The following SLC3A1 variants were observed in gnomAD, a reference collection of about 807,000 sequenced individuals.
SLC3A1 encodes amino acid transporter heavy chain SLC3A1.
SLC3A1 carries 78 observed loss-of-function variants against 60.3 expected under a neutral mutation model. The ratio of observed to expected loss-of-function variants is 1.29; its 90% CI spans 1.08 to 1.56. SLC3A1 has a LOEUF of 1.56. Ranked by LOEUF, SLC3A1 falls within the 40% of genes most tolerant of loss-of-function variation. SLC3A1 has a pLI of 0.00. For missense variants in SLC3A1, 1,172 were observed against 858.9 expected (o/e 1.36, Z -4.56); for synonymous variants, 392 against 307.9 (o/e 1.27, Z -2.86).
At chr2:44,320,008 C>G in intron 9 of SLC3A1, 191 bp from the exon 10 acceptor site, 1 of 590,046 alleles carries the variant, frequency 1.7e-6, no homozygotes, top group East Asian at 2.9e-5. Context: ...GCCGAAACCC[C>G]GAATTTGTCA....
At chr2:44,283,546 G>A (rs1671546934) in intron 3 of SLC3A1, among the ~76,000 whole-genome samples, 1 of 152,138 alleles carries the variant, frequency 6.6e-6, no homozygotes, top group Non-Finnish European at 1.5e-5. Context: ...GGCTAAAGAT[G>A]GGATCTAGTC....
rs139251285 is a variant in SLC3A1, at chr2:44,312,619, C to T, written c.1366C>T (p.Arg456Cys). The T allele has an allele frequency of 1.1e-5, 18 of 1,613,904 alleles. No individual in the cohort carries two copies. The highest frequency in any genetic ancestry group is 2.2e-5 in the East Asian group (1 of 44,870). ...ACCAGACAGTTCACGGCTGACTTCG[C>T]GTTTGGGGAATCAGTATGTCAACGT... ...GGPDSSRLTS[R>C]LGNQYVNVMN... Residue 456 changes from arginine (R) to cysteine (C), a missense_variant, in exon 8 of 10, where the codon CGT becomes TGT. Physicochemically the swap from Arg to Cys is radical, Grantham distance 180. Transcript: ENST00000260649.
At position 44,321,419 on chromosome 2, in the gene SLC3A1, G is replaced by A. The variant is rs375511535; in HGVS notation, c.*780G>A. On this transcript the variant is annotated 3_prime_UTR_variant, in exon 10 of 10. Coordinates refer to ENST00000260649, the MANE Select transcript of SLC3A1 (RefSeq NM_000341.4). ...TGGTGCTGTCAAGTCCAAGTTCCTC[G>A]TACAGGAATTTAATTTGGGCTGTAA... The A allele has an allele frequency of 3.0e-5, 48 of 1,612,440 alleles. 1 individual carries two copies. Among genetic ancestry groups the A allele is most frequent in the South Asian group, 1.5e-4 (14 of 91,000 alleles).
At position 44,304,142 on chromosome 2, in the gene SLC3A1, G is replaced by C. The variant is rs1423274006; in HGVS notation, c.1137-1G>C. 1.2e-6 allele frequency: 2 copies of C among 1,613,682 alleles called. No homozygotes were observed. Among genetic ancestry groups the C allele is most frequent in the Non-Finnish European group, 1.7e-6 (2 of 1,179,594 alleles). ...ACACTGAACCTTGTCAACTCTTATA[G>C]GTTCATGGGGACTGAAGCCTATGCA... On this transcript the variant is annotated splice_acceptor_variant, in intron 6 of 9. Coordinates refer to ENST00000260649, the MANE Select transcript of SLC3A1 (RefSeq NM_000341.4). LOFTEE classifies it high-confidence loss of function.
chr2:44,321,711 T>C (rs779536827), downstream of SLC3A1: 18 of 1,590,632 alleles, frequency 1.1e-5, no homozygotes, highest in South Asian at 9.1e-5. Flanking sequence ...GTCTCACCCA[T>C]AGATAGGACA....
chr2:44,278,308 C>A (rs951614933), intron 1 of SLC3A1, among the ~76,000 whole-genome samples: 16 of 151,880 alleles, frequency 1.1e-4, no homozygotes, highest in African/African-American at 3.6e-4. Flanking sequence ...ATCAGCTGGG[C>A]GTGGTGGCGG....
At chr2:44,277,431 A>G (rs945541586) in intron 1 of SLC3A1, among the ~76,000 whole-genome samples, 1 of 152,112 alleles carries the variant, frequency 6.6e-6, no homozygotes, top group Non-Finnish European at 1.5e-5. Context: ...TTTAAAAATC[A>G]TCCTGCATTG....
At chr2:44,318,991 A>G (rs1323909113) in intron 9 of SLC3A1, 2 of 152,248 alleles carry the variant, frequency 1.3e-5, no homozygotes, top group Admixed American at 1.3e-4. Flanking sequence ...GTAGACAATA[A>G]TAGCTAACAC....
chr2:44,301,942 C>G (rs985523213), intron 6 of SLC3A1, among the ~76,000 whole-genome samples: 1 of 152,024 alleles, frequency 6.6e-6, no homozygotes, highest in Non-Finnish European at 1.5e-5. Context: ...GTAATACCAG[C>G]TACTCGGGAG....
chr2:44,301,007 C>A lies in SLC3A1; in HGVS notation c.1016C>A (p.Thr339Lys). Residue 339 changes from threonine to lysine, a missense_variant, in exon 6 of 10, where the codon ACG becomes AAG. Coordinates refer to ENST00000260649, the MANE Select transcript of SLC3A1 (RefSeq NM_000341.4). Reference sequence around the variant, plus strand: ...ATGTCGTCCTGGTTTTCAAAGGACACGGTCACACAATACTCGGAGCTGTAC... The same window carrying A: ...ATGTCGTCCTGGTTTTCAAAGGACAAGGTCACACAATACTCGGAGCTGTAC... Reference protein sequence around the residue: ...IQVNKTQIPDTVTQYSELYHD... With the variant: ...IQVNKTQIPDKVTQYSELYHD... 6.2e-7 allele frequency: 1 copy of A among 1,613,982 alleles called. No homozygotes were observed. Among genetic ancestry groups the A allele is most frequent in the Admixed American group, 1.7e-5 (1 of 60,024 alleles).
At chr2:44,312,929 GCTTAT>G (rs751703211) in intron 8 of SLC3A1, 176 bp downstream of exon 8, 2 of 596,070 alleles carry the variant, frequency 3.4e-6, no homozygotes, top group Non-Finnish European at 5.8e-6. Context: ...TGGTCTGAGA[GCTTAT>G]TTTAAAAATG....
rs770801300 is a variant in SLC3A1, at chr2:44,320,391, C to T, written c.1810C>T (p.Leu604=). 2.3e-5 allele frequency: 37 copies of T among 1,613,834 alleles called. 2 individuals carry two copies. The South Asian group carries it at 3.2e-4, about 14-fold the overall frequency. Residue 604 remains leucine, a synonymous_variant, in exon 10 of 10, where the codon CTG becomes TTG. Coordinates refer to ENST00000260649, the MANE Select transcript of SLC3A1 (RefSeq NM_000341.4). ...IVVLNFGEST[L]LNLHNMISGL... The stretch of plus-strand genomic sequence containing the variant: ...GGTTCTGAATTTTGGAGAATCAACA[C>T]TGTTAAATCTACATAATATGATTTC...
In SLC3A1 at chr2:44,320,380, G is replaced by T; in HGVS notation, c.1799G>T (p.Gly600Val). The T allele has an allele frequency of 1.2e-6, 2 of 1,614,018 alleles. No individual in the cohort carries two copies. The highest frequency in any genetic ancestry group is 1.7e-6 in the Non-Finnish European group (2 of 1,179,928). Residue 600 changes from glycine to valine, a missense_variant, in exon 10 of 10, where the codon GGA becomes GTA. Transcript: ENST00000260649. ...DRIFIVVLNF[G>V]ESTLLNLHNM... Reference sequence around the variant, plus strand: ...ATCTTTATCGTGGTTCTGAATTTTGGAGAATCAACACTGTTAAATCTACAT... The same window carrying T: ...ATCTTTATCGTGGTTCTGAATTTTGTAGAATCAACACTGTTAAATCTACAT...
At chr2:44,280,248 T>C (rs1671463333) in intron 1 of SLC3A1, among the ~76,000 whole-genome samples, 1 of 151,126 alleles carries the variant, frequency 6.6e-6, no homozygotes, top group Non-Finnish European at 1.5e-5. Context: ...TTCTCTTTCT[T>C]TTTTTTTTGA....
intron 7 of SLC3A1, among the ~76,000 whole-genome samples, chr2:44,306,489 A>G (rs1213217457): frequency 6.6e-6 from 1 of 151,836 alleles, no homozygotes; most frequent in African/African-American, 2.4e-5. Flanking sequence ...AAATGTAAGT[A>G]TTAAAACTAT....
intron 1 of SLC3A1, among the ~76,000 whole-genome samples, chr2:44,279,124 G>C (rs1368973367): frequency 6.6e-6 from 1 of 151,414 alleles, no homozygotes; most frequent in African/African-American, 2.4e-5. Flanking sequence ...TCAGCCTCCC[G>C]AGTAGCTGGG....
At position 44,280,427 on chromosome 2, in the gene SLC3A1, C is replaced by T. The variant is rs556204868; in HGVS notation, c.431-289C>T. On this transcript the variant is annotated intron_variant, in intron 1 of 9. Transcript: ENST00000260649. Reference sequence around the variant, plus strand: ...CTAATTTTTGTATTTTTAATAGAGACGGGGTTTTGTCATGTTGGCCAGGAT... The same window carrying T: ...CTAATTTTTGTATTTTTAATAGAGATGGGGTTTTGTCATGTTGGCCAGGAT... Among the ~76,000 whole-genome samples the T allele has an allele frequency of 2.2e-3, 341 of 151,988 alleles. 1 individual carries two copies. Among genetic ancestry groups the T allele is most frequent in the African/African-American group, 7.9e-3 (328 of 41,432 alleles).
chr2:44,281,502 T>C lies in SLC3A1; in HGVS notation c.726T>C (p.Cys242=). The C allele has an allele frequency of 6.2e-7, 1 of 1,614,054 alleles. No homozygotes were observed. Among genetic ancestry groups the C allele is most frequent in the Non-Finnish European group, 8.5e-7 (1 of 1,179,916 alleles). Reference sequence around the variant, plus strand: ...CTGATTATTATATCTGGCATGACTGTACCCATGAAAATGGCAAAACCATTC... The same window carrying C: ...CTGATTATTATATCTGGCATGACTGCACCCATGAAAATGGCAAAACCATTC... ...KYTDYYIWHD[C]THENGKTIPP... is the part of the protein sequence containing the mutation. Residue 242 remains cysteine (C), a synonymous_variant, in exon 3 of 10, where the codon TGT becomes TGC. Transcript: ENST00000260649.
intron 1 of SLC3A1, among the ~76,000 whole-genome samples, chr2:44,276,566 C>G (rs1472069459): frequency 6.6e-6 from 1 of 151,962 alleles, no homozygotes; most frequent in Non-Finnish European, 1.5e-5. Flanking sequence ...TAGTATAAAA[C>G]AAGTAAAGAA....
Sources: gnomAD v4.1 joint callset for allele counts (sites outside exome capture counted in the v4.1 genomes callset) on GRCh38, gnomAD v4.1.1 for gene constraint, MANE v1.5 for transcripts, NCBI Gene and HGNC (gene_info 2026-07-23, HGNC 2026-07-21) for gene names.